The following BAZ1A variants were observed in gnomAD, a reference collection of about 807,000 sequenced individuals.
The protein encoded by BAZ1A is bromodomain adjacent to zinc finger domain protein 1A.
BAZ1A carries 50 observed loss-of-function variants against 185.2 expected under a neutral mutation model. The observed-to-expected ratio is 0.27, with a 90% confidence interval of 0.22 to 0.34. The LOEUF is 0.34. Among genes scored for constraint, BAZ1A ranks in the 10% least tolerant of loss-of-function variants. The probability of loss-of-function intolerance (pLI) is 1.00; values close to 1 mark genes in which losing one functional copy is unlikely to be tolerated. For missense variants in BAZ1A, 1,356 were observed against 1,839.9 expected (o/e 0.74, Z 4.81); for synonymous variants, 571 against 615.6 (o/e 0.93, Z 1.07).
chr14:34,842,846 A>C (rs1379293090), intron 3 of BAZ1A, among the ~76,000 whole-genome samples: 1 of 152,110 alleles, frequency 6.6e-6, no homozygotes, highest in Admixed American at 6.6e-5. Flanking sequence ...TCAAACTGTA[A>C]AATGACCAAA....
chr14:34,785,382 T>A (rs1350103028), intron 14 of BAZ1A, among the ~76,000 whole-genome samples: 7 of 152,140 alleles, frequency 4.6e-5, no homozygotes, highest in Non-Finnish European at 8.8e-5. Context: ...TGCAATTTTT[T>A]AAAAAAAGGA....
intron 2 of BAZ1A, among the ~76,000 whole-genome samples, chr14:34,866,487 CA>C (rs1219524711): frequency 0.031 from 385 of 12,240 alleles, 13 homozygotes; most frequent in African/African-American, 0.075. Flanking sequence ...AACAATATCT[CA>C]AAAAAAAAAA....
At chr14:34,808,871 C>T (rs1017628951) in intron 5 of BAZ1A, among the ~76,000 whole-genome samples, 4 of 152,040 alleles carry the variant, frequency 2.6e-5, no homozygotes, top group African/African-American at 9.7e-5. Context: ...CAAGAAAAAG[C>T]CGTTAAAAGC....
At chr14:34,828,206 T>C (rs1324140531) in intron 3 of BAZ1A, among the ~76,000 whole-genome samples, 1 of 145,948 alleles carries the variant, frequency 6.9e-6, no homozygotes, top group Non-Finnish European at 1.5e-5. Flanking sequence ...GGAAGGAGAA[T>C]GGCTTGAACC....
intron 2 of BAZ1A, among the ~76,000 whole-genome samples, chr14:34,870,366 A>G (rs1326208775): frequency 1.3e-5 from 2 of 152,206 alleles, no homozygotes; most frequent in Non-Finnish European, 1.5e-5. Flanking sequence ...ATTTAAAGAC[A>G]CTAGCTAAGA....
intron 4 of BAZ1A, among the ~76,000 whole-genome samples, chr14:34,821,878 G>A (rs993535341): frequency 3.9e-5 from 6 of 152,056 alleles, no homozygotes; most frequent in African/African-American, 7.2e-5. Flanking sequence ...CAGCTACTCC[G>A]GAGGCTGAGG....
At chr14:34,851,026 A>T (rs2042588040) in intron 3 of BAZ1A, among the ~76,000 whole-genome samples, 1 of 152,108 alleles carries the variant, frequency 6.6e-6, no homozygotes, top group Non-Finnish European at 1.5e-5. Context: ...TTAAAAAGAG[A>T]TGCTTGTAAA....
At chr14:34,830,964 C>T (rs555366032) in intron 3 of BAZ1A, among the ~76,000 whole-genome samples, 8 of 152,058 alleles carry the variant, frequency 5.3e-5, no homozygotes, top group African/African-American at 1.9e-4. Flanking sequence ...TCCATGTTGG[C>T]CAGGCTGCAG....
chr14:34,767,440 C>T (rs1194028962), intron 21 of BAZ1A, among the ~76,000 whole-genome samples: 1 of 152,112 alleles, frequency 6.6e-6, no homozygotes, highest in Non-Finnish European at 1.5e-5. Context: ...GTCCCAGCTA[C>T]TTTGGAGGCC....
At chr14:34,865,202 C>T (rs2042837271) in intron 2 of BAZ1A, among the ~76,000 whole-genome samples, 1 of 152,120 alleles carries the variant, frequency 6.6e-6, no homozygotes, top group South Asian at 2.1e-4. Context: ...GAGCCACAAT[C>T]ATGCCACTGC....
intron 20 of BAZ1A, among the ~76,000 whole-genome samples, chr14:34,773,225 T>G (rs1224650238): frequency 6.6e-6 from 1 of 152,044 alleles, no homozygotes; most frequent in Admixed American, 6.5e-5. Flanking sequence ...AACATTCAAG[T>G]CTACCAGAAT....
intron 3 of BAZ1A, among the ~76,000 whole-genome samples, chr14:34,861,517 A>G (rs2042768920): frequency 1.3e-5 from 2 of 152,220 alleles, no homozygotes; most frequent in South Asian, 2.1e-4. Flanking sequence ...ATAAAACTCA[A>G]TCCTGGTTTT....
intron 24 of BAZ1A, among the ~76,000 whole-genome samples, chr14:34,759,451 G>A (rs763560790): frequency 7.2e-5 from 11 of 151,892 alleles, no homozygotes; most frequent in East Asian, 5.8e-4. Flanking sequence ...TGCCCGCCTC[G>A]GCCTCCCAAA....
At chr14:34,846,067 T>C (rs1192535350) in intron 3 of BAZ1A, among the ~76,000 whole-genome samples, 1 of 152,160 alleles carries the variant, frequency 6.6e-6, no homozygotes, top group African/African-American at 2.4e-5. Context: ...GTCTCACCTC[T>C]TTCATGTGAT....
intron 3 of BAZ1A, among the ~76,000 whole-genome samples, chr14:34,835,072 T>C (rs1260920302): frequency 1.3e-5 from 2 of 151,884 alleles, no homozygotes; most frequent in East Asian, 3.8e-4. Context: ...TTTTTTTCCT[T>C]TTTTCCTGAG....
At chr14:34,806,375 T>C (rs944996316) in intron 6 of BAZ1A, among the ~76,000 whole-genome samples, 1 of 152,142 alleles carries the variant, frequency 6.6e-6, no homozygotes, top group African/African-American at 2.4e-5. Flanking sequence ...GGGGTTCTGT[T>C]GTGCAGATTA....
At chr14:34,764,266 T>A (rs1425223839) in intron 23 of BAZ1A, among the ~76,000 whole-genome samples, 2 of 151,158 alleles carry the variant, frequency 1.3e-5, no homozygotes, top group African/African-American at 4.9e-5. Context: ...CAGGCCACTA[T>A]ACGTTAGTTT....
In BAZ1A at chr14:34,838,611, G is replaced by A. The variant is rs144336067; in HGVS notation, c.393-12455C>T. On this transcript the variant is annotated intron_variant, in intron 3 of 26. Coordinates refer to ENST00000360310, the MANE Select transcript of BAZ1A (RefSeq NM_013448.3). Reference sequence around the variant, plus strand: ...ATCTCGGCTCACTGCAACCTCCTCCGCCTCCCAGGTTTAAGCGATTCTCCT... The same window carrying A: ...ATCTCGGCTCACTGCAACCTCCTCCACCTCCCAGGTTTAAGCGATTCTCCT... 2.3e-3 allele frequency among the ~76,000 whole-genome samples: 350 copies of A among 151,088 alleles called. 1 individual carries two copies. The highest frequency in any genetic ancestry group is 3.0e-3 in the Non-Finnish European group (202 of 67,846).
chr14:34,793,763 T>G (rs947282665), intron 11 of BAZ1A, among the ~76,000 whole-genome samples: 2 of 152,010 alleles, frequency 1.3e-5, no homozygotes, highest in Admixed American at 1.3e-4. Context: ...GCCAAAATGG[T>G]GAAACCCTGT....
Sources: allele counts gnomAD v4.1 joint callset (sites outside exome capture counted in the v4.1 genomes callset), GRCh38; gene constraint gnomAD v4.1.1; transcripts MANE v1.5; gene names NCBI Gene and HGNC (gene_info 2026-07-23, HGNC 2026-07-21).